ZNF469: variants seen among roughly 807,000 people sequenced by gnomAD.
The protein encoded by ZNF469 is zinc finger protein 469.
ZNF469 carries 1 observed loss-of-function variant against 1.0 expected under a neutral mutation model. The observed-to-expected ratio is 1.00, with a 90% CI of 0.35 to 4.73. ZNF469 has a LOEUF of 4.73. Among genes scored for constraint, ZNF469 ranks in the 30% most tolerant of loss-of-function variants. The pLI, the probability that ZNF469 is intolerant of heterozygous loss-of-function variation, is 0.16. For missense variants in ZNF469, 6,100 were observed against 5,356.3 expected (o/e 1.14, Z -4.33); for synonymous variants, 2,703 against 2,363.4 (o/e 1.14, Z -4.17).
At chr16:88,323,436 G>C in the ZNF469 span, among the ~76,000 whole-genome samples, 1 of 152,210 alleles carries the variant, frequency 6.6e-6, no homozygotes, top group Non-Finnish European at 1.5e-5. Flanking sequence ...CCACTTCTCT[G>C]TAGCATTTGT....
At position 88,432,459 on chromosome 16, in the gene ZNF469, C is replaced by T. The variant is rs369706261; in HGVS notation, c.4989C>T (p.Ser1663=). ...GGGGGACGTGGCCCTGCCCAGCCTCCTTCCATCCGGGACATGCAGCCCTTC... is the reference window on the plus strand; with the variant it reads ...GGGGGACGTGGCCCTGCCCAGCCTCTTTCCATCCGGGACATGCAGCCCTTC... ...RPGGTWPCPA[S]FHPGHAALLP... The change falls in exon 3 of 3, where the codon TCC becomes TCT. Residue 1663 remains serine (S), a synonymous_variant. Transcript: ENST00000565624. 24 of 1,550,240 alleles carry T rather than the reference C, an allele frequency of 1.5e-5. No homozygotes were observed. In the East Asian group the frequency reaches 4.4e-4, roughly 28 times the overall value.
chr16:88,114,974 C>T, the ZNF469 span, among the ~76,000 whole-genome samples: 4 of 151,584 alleles, frequency 2.6e-5, no homozygotes, highest in African/African-American at 9.7e-5. Context: ...CTCATGGAGA[C>T]GATGCTTCTG....
At chr16:88,259,516 A>T in the ZNF469 span, among the ~76,000 whole-genome samples, 6 of 152,096 alleles carry the variant, frequency 3.9e-5, no homozygotes, top group African/African-American at 1.4e-4. The surrounding 1 kb of genome is among the most constrained non-coding windows in gnomAD (Gnocchi z 4.1). Flanking sequence ...TCATTTCGTC[A>T]GGAAATACTC....
rs3812954 is a variant in ZNF469, at chr16:88,435,800, A to T, written c.8330A>T (p.Asp2777Val). Residue 2777 changes from aspartate (D) to valine (V), a missense_variant, in exon 3 of 3, where the codon GAC becomes GTC. Transcript: ENST00000565624. ...CKESGSEPAE[D>V]SSRAHSRSEE... The stretch of plus-strand genomic sequence containing the variant: ...GAGTCTGGGAGCGAGCCTGCGGAGG[A>T]CAGCAGCAGGGCCCACAGCCGATCA... The T allele has an allele frequency of 0.07, 108,477 of 1,550,524 alleles. 4,260 individuals are homozygous for T. Among genetic ancestry groups the T allele is most frequent in the Middle Eastern group, 0.12 (720 of 5,992 alleles).
chr16:88,164,564 G>A, the ZNF469 span, among the ~76,000 whole-genome samples: 6 of 152,148 alleles, frequency 3.9e-5, no homozygotes, highest in African/African-American at 1.2e-4. Flanking sequence ...CCTGAACCTC[G>A]CTGTTGATGA....
At chr16:88,287,349 G>A in the ZNF469 span, among the ~76,000 whole-genome samples, 14 of 152,324 alleles carry the variant, frequency 9.2e-5, no homozygotes, top group Non-Finnish European at 1.8e-4. Flanking sequence ...TGGCACAAAG[G>A]TTTCTCTAGG....
chr16:88,186,611 G>C, the ZNF469 span, among the ~76,000 whole-genome samples: 3 of 152,136 alleles, frequency 2.0e-5, no homozygotes, highest in African/African-American at 7.2e-5. Context: ...CCTCAGTGTC[G>C]GGCGCGGGTG....
chr16:88,398,159 T>G (rs1904743521), intron 1 of ZNF469, among the ~76,000 whole-genome samples: 2 of 152,258 alleles, frequency 1.3e-5, no homozygotes, highest in South Asian at 4.1e-4. Context: ...GAAGTCCTGG[T>G]TGCAACGTGC....
the ZNF469 span, among the ~76,000 whole-genome samples, chr16:88,224,597 G>T: frequency 6.6e-6 from 1 of 152,200 alleles, no homozygotes; most frequent in African/African-American, 2.4e-5. Context: ...GCGCAGAGAG[G>T]CTGAGCAGCC....
chr16:88,390,363 C>T (rs1177703518), intron 1 of ZNF469, among the ~76,000 whole-genome samples: 1 of 152,206 alleles, frequency 6.6e-6, no homozygotes, highest in Non-Finnish European at 1.5e-5. Flanking sequence ...CTGTCCAGAG[C>T]CTACCCAGTG....
At chr16:88,345,043 G>A in the ZNF469 span, among the ~76,000 whole-genome samples, 5 of 152,208 alleles carry the variant, frequency 3.3e-5, no homozygotes, top group East Asian at 9.6e-4. Context: ...TTCTAGAAGG[G>A]CCTGAGAAGA....
the ZNF469 span, among the ~76,000 whole-genome samples, chr16:88,103,777 C>A: frequency 6.6e-6 from 1 of 150,532 alleles, no homozygotes; most frequent in Admixed American, 6.6e-5. Flanking sequence ...GTGGAATAAT[C>A]CTCCGTGGCA....
chr16:88,149,871 A>G, the ZNF469 span, among the ~76,000 whole-genome samples: 5 of 152,190 alleles, frequency 3.3e-5, no homozygotes, highest in African/African-American at 1.2e-4. Context: ...CTTATCCTTC[A>G]AAGCCCTGTT....
Position 88,434,136 on chromosome 16 carries a change from G to A in ZNF469, c.6666G>A (p.Leu2222=). 1 of 1,550,314 alleles carries A rather than the reference G, an allele frequency of 6.5e-7. No homozygotes were observed. Among genetic ancestry groups the A allele is most frequent in the Non-Finnish European group, 8.7e-7 (1 of 1,146,950 alleles). ...TTCTCCAGGGGGAGGGCAGCCCCCTGGAAGACCCTTCCTCCTGGCCTCCTG... is the reference window on the plus strand; with the variant it reads ...TTCTCCAGGGGGAGGGCAGCCCCCTAGAAGACCCTTCCTCCTGGCCTCCTG... ...GCLLQGEGSP[L]EDPSSWPPGS... Residue 2222 remains leucine, a synonymous_variant, in exon 3 of 3, where the codon CTG becomes CTA. Transcript: ENST00000565624.
At chr16:88,330,519 G>A in the ZNF469 span, among the ~76,000 whole-genome samples, 3 of 152,330 alleles carry the variant, frequency 2.0e-5, no homozygotes, top group South Asian at 2.1e-4. Context: ...AAACAATGAC[G>A]TGTTGTGGTT....
At chr16:88,413,673 A>G (rs1905234604) in intron 1 of ZNF469, among the ~76,000 whole-genome samples, 1 of 152,158 alleles carries the variant, frequency 6.6e-6, no homozygotes, top group Non-Finnish European at 1.5e-5. Flanking sequence ...CTGGGCGTTG[A>G]ACTCGGTTTT....
chr16:88,261,485 C>T, the ZNF469 span, among the ~76,000 whole-genome samples: 1 of 152,220 alleles, frequency 6.6e-6, no homozygotes, highest in Non-Finnish European at 1.5e-5. The surrounding 1 kb of genome is among the most constrained non-coding windows in gnomAD (Gnocchi z 6.0). Context: ...TCACACCTGG[C>T]CTCACCCAGT....
the ZNF469 span, among the ~76,000 whole-genome samples, chr16:88,235,561 T>C: frequency 6.6e-6 from 1 of 152,222 alleles, no homozygotes; most frequent in African/African-American, 2.4e-5. Context: ...GGGTTTTCAG[T>C]AGCGGGACGG....
chr16:88,232,040 C>T, the ZNF469 span, among the ~76,000 whole-genome samples: 1 of 152,166 alleles, frequency 6.6e-6, no homozygotes, highest in Non-Finnish European at 1.5e-5. Context: ...CGGGCAGGCT[C>T]CTGGACCTGG....
Sources: gnomAD v4.1 joint callset for allele counts (sites outside exome capture counted in the v4.1 genomes callset) on GRCh38, gnomAD v4.1.1 for gene constraint, Gnocchi (gnomAD v3.1) non-coding constraint, MANE v1.5 for transcripts, NCBI Gene and HGNC (gene_info 2026-07-23, HGNC 2026-07-21) for gene names.